The following CCDC30 variants were observed in gnomAD, a reference collection of about 807,000 sequenced individuals.
CCDC30 encodes coiled-coil domain containing 30, also known as coiled-coil domain-containing protein 30.
CCDC30 carries 70 observed loss-of-function variants against 100.2 expected under a neutral mutation model. That is an observed-to-expected ratio of 0.70 (90% CI 0.58 to 0.85). The LOEUF is 0.85. Ranked by LOEUF, CCDC30 falls within the 40% of genes least tolerant of loss-of-function variation. CCDC30 has a pLI of 0.00. For synonymous variants in CCDC30, 233 were observed against 269.5 expected, an observed-to-expected ratio of 0.86 and a Z score of 1.33; for missense variants, 652 against 771.2, an observed-to-expected ratio of 0.85 and a Z score of 1.83.
intron 6 of CCDC30, 68 bp from the exon 10 acceptor site, chr1:42,556,088 C>CT (rs537397379): frequency 5.2e-5 from 77 of 1,470,234 alleles, no homozygotes; most frequent in Non-Finnish European, 5.6e-5. Context: ...TGACTTGTAG[C>CT]TTTTTTTTCC....
intron 11 of CCDC30, among the ~76,000 whole-genome samples, chr1:42,626,815 A>G (rs968119505): frequency 2.0e-5 from 3 of 152,150 alleles, no homozygotes; most frequent in African/African-American, 7.2e-5. Flanking sequence ...CACTCCCGTC[A>G]TGATTCTGAG....
At chr1:42,637,574 C>T (rs529124105) in intron 12 of CCDC30, among the ~76,000 whole-genome samples, 196 bp downstream of exon 16, 4 of 152,172 alleles carry the variant, frequency 2.6e-5, no homozygotes, top group Non-Finnish European at 5.9e-5. Flanking sequence ...TGCTGCTACA[C>T]GGAATTGAAT....
intron 14 of CCDC30, 46 bp downstream of exon 18, chr1:42,644,853 G>A (rs759900436): frequency 7.6e-6 from 9 of 1,189,036 alleles, no homozygotes; most frequent in East Asian, 7.0e-5. Context: ...TGTGAAGTTC[G>A]GGTTGCTACG....
upstream of CCDC30, among the ~76,000 whole-genome samples, chr1:42,463,091 A>G (rs1302282596): frequency 1.3e-5 from 2 of 152,388 alleles, no homozygotes; most frequent in Admixed American, 6.5e-5. Context: ...CCATGGTTAC[A>G]GCTGTCTCCA....
chr1:42,598,440 T>G (rs1289982551), intron 10 of CCDC30, among the ~76,000 whole-genome samples: 2 of 149,592 alleles, frequency 1.3e-5, no homozygotes, highest in South Asian at 2.1e-4. Flanking sequence ...GGACTGGGAG[T>G]GGGTTAAGGT....
At position 42,556,139 on chromosome 1, in the gene CCDC30, C is replaced by T. The variant is rs12038786; in HGVS notation, c.457-10157C>T. The T allele has an allele frequency of 0.38, 599,933 of 1,595,526 alleles. 116,354 individuals carry two copies. Among genetic ancestry groups the T allele is most frequent in the East Asian group, 0.54 (24,268 of 44,750 alleles). ...AATAAGCATTTTGATAGATTTTATT[C>T]TTATATTTGCACCAAGTCCCAAATT... On this transcript the variant is annotated intron_variant, in intron 6 of 16. Coordinates refer to ENST00000668663, the Ensembl canonical transcript of CCDC30.
chr1:42,520,513 G>A (rs1001870680), intron 6 of CCDC30, among the ~76,000 whole-genome samples: 2 of 150,444 alleles, frequency 1.3e-5, no homozygotes, highest in Non-Finnish European at 3.0e-5. Flanking sequence ...TGTATTTTTA[G>A]TAGAGACAGG....
At chr1:42,580,072 T>C (rs1645930939) in intron 8 of CCDC30, among the ~76,000 whole-genome samples, 1 of 152,176 alleles carries the variant, frequency 6.6e-6, no homozygotes, top group Non-Finnish European at 1.5e-5. Flanking sequence ...GCTTCAAGTA[T>C]TGGAAATGTT....
chr1:42,626,936 A>G (rs1646944406), intron 11 of CCDC30, among the ~76,000 whole-genome samples: 2 of 152,198 alleles, frequency 1.3e-5, no homozygotes, highest in Non-Finnish European at 2.9e-5. Context: ...GTAAATTGGT[A>G]CCAGTAGATT....
chr1:42,456,919 G>A, the CCDC30 span: 4 of 1,609,672 alleles, frequency 2.5e-6, no homozygotes, highest in African/African-American at 5.3e-5. Context: ...TGCTGAGCCT[G>A]GAGGCCGAGG....
chr1:42,460,441 A>G (rs142622030), upstream of CCDC30: 1,344 of 948,426 alleles, frequency 1.4e-3, 11 homozygotes, highest in African/African-American at 0.022. Context: ...GAAATTTATC[A>G]AATATAGTAG....
At chr1:42,578,686 G>A (rs554173527) in intron 8 of CCDC30, among the ~76,000 whole-genome samples, 1 of 152,206 alleles carries the variant, frequency 6.6e-6, no homozygotes, top group South Asian at 2.1e-4. Flanking sequence ...AAAGATGTGT[G>A]CATCATACAA....
intron 6 of CCDC30, among the ~76,000 whole-genome samples, chr1:42,520,681 C>T (rs1409693704): frequency 7.5e-6 from 1 of 133,206 alleles, no homozygotes; most frequent in African/African-American, 2.8e-5. Context: ...CACTCTGTCA[C>T]CCAGGCTGGA....
chr1:42,629,183 C>T lies in CCDC30; in HGVS notation c.1278-8054C>T, dbSNP rs570783906. Reference sequence around the variant, plus strand: ...CGTCCTTTGCTTTCTGATTGAAGTACTCCCTTTAGCTTTTCTTGTAGGACA... The same window carrying T: ...CGTCCTTTGCTTTCTGATTGAAGTATTCCCTTTAGCTTTTCTTGTAGGACA... On this transcript the variant is annotated intron_variant, in intron 11 of 16. Transcript: ENST00000668663. Among the ~76,000 whole-genome samples the T allele has an allele frequency of 5.9e-5, 9 of 152,300 alleles. No homozygotes were observed. The South Asian group carries it at 1.9e-3, about 32-fold the overall frequency.
chr1:42,633,628 G>C (rs762447953), intron 11 of CCDC30, among the ~76,000 whole-genome samples: 27 of 152,264 alleles, frequency 1.8e-4, no homozygotes, highest in Admixed American at 7.2e-4. Context: ...CAGCCTCCCA[G>C]GCCAGTCTCC....
intron 6 of CCDC30, among the ~76,000 whole-genome samples, chr1:42,554,875 G>T (rs1009237565): frequency 6.6e-6 from 1 of 151,642 alleles, no homozygotes; most frequent in South Asian, 2.1e-4. Context: ...TTTCTCCCTG[G>T]TTCGTCTTAT....
At chr1:42,567,799 A>C (rs961586415) in intron 7 of CCDC30, among the ~76,000 whole-genome samples, 1 of 152,224 alleles carries the variant, frequency 6.6e-6, no homozygotes, top group Non-Finnish European at 1.5e-5. Flanking sequence ...AGAACTACAC[A>C]GATTATAATG....
chr1:42,476,830 C>G (rs931308550), intron 1 of CCDC30, among the ~76,000 whole-genome samples: 7 of 150,716 alleles, frequency 4.6e-5, no homozygotes, highest in African/African-American at 1.5e-4. Context: ...CATTCGGGAT[C>G]ATTTTCCTTT....
intron 15 of CCDC30, among the ~76,000 whole-genome samples, chr1:42,650,074 C>T (rs373172808): frequency 2.6e-5 from 4 of 152,044 alleles, no homozygotes; most frequent in Non-Finnish European, 4.4e-5. Flanking sequence ...TGTCATTTTT[C>T]GTAGAAATAG....
Sources: gnomAD v4.1 joint callset for allele counts (sites outside exome capture counted in the v4.1 genomes callset) on GRCh38, gnomAD v4.1.1 for gene constraint, MANE v1.5 for transcripts, NCBI Gene and HGNC (gene_info 2026-07-23, HGNC 2026-07-21) for gene names.